Variants in DMD observed in about 807,000 individuals in gnomAD.
The protein encoded by DMD is mutant dystrophin.
A neutral mutation model predicts 330.1 loss-of-function variants in DMD; 63 were observed. The observed-to-expected ratio is 0.19, with a 90% CI of 0.16 to 0.24. DMD has a LOEUF of 0.24. Ranked by LOEUF, DMD falls within the 10% of genes least tolerant of loss-of-function variation. The pLI, the probability that DMD is intolerant of heterozygous loss-of-function variation, is 1.00. For synonymous variants in DMD, 1,223 were observed against 959.8 expected (o/e 1.27, Z -5.07); for missense variants, 3,344 against 2,684.1 (o/e 1.25, Z -5.43).
At chrX:33,317,161 A>G (rs1276154866) in intron 1 of DMD, among the ~76,000 whole-genome samples, 1 of 110,844 alleles carries the variant, frequency 9.0e-6, no homozygotes, top group Non-Finnish European at 1.9e-5. Flanking sequence ...ACACAATTAA[A>G]AAGAAACAAT....
chrX:31,201,158 TAC>T (rs57235865), intron 67 of DMD, among the ~76,000 whole-genome samples: 1,298 of 98,242 alleles, frequency 0.013, 6 homozygotes, highest in East Asian at 0.026. Flanking sequence ...AGAGACCCTG[TAC>T]ACACACACAC....
chrX:33,176,392 C>T (rs2049648628), intron 1 of DMD, among the ~76,000 whole-genome samples: 1 of 99,913 alleles, frequency 1.0e-5, no homozygotes, highest in East Asian at 3.1e-4. Flanking sequence ...TAAATAGAAA[C>T]TCAGCTGAAA....
intron 62 of DMD, among the ~76,000 whole-genome samples, chrX:31,268,762 G>C (rs2051385131): frequency 8.9e-6 from 1 of 112,198 alleles, no homozygotes; most frequent in Non-Finnish European, 1.9e-5. Flanking sequence ...TCAGAGCATG[G>C]ACATTTGTAA....
intron 1 of DMD, among the ~76,000 whole-genome samples, chrX:33,024,272 T>G (rs1202961395): frequency 8.9e-6 from 1 of 112,456 alleles, no homozygotes; most frequent in African/African-American, 3.2e-5. Flanking sequence ...TTTAGTCATT[T>G]CAAGCAGCAC....
chrX:32,073,365 T>A (rs934485610), intron 44 of DMD, among the ~76,000 whole-genome samples: 2 of 111,728 alleles, frequency 1.8e-5, no homozygotes, highest in African/African-American at 3.3e-5. Context: ...CTTGAGAAAT[T>A]CTCCAGGATT....
intron 1 of DMD, among the ~76,000 whole-genome samples, chrX:33,294,640 GA>G (rs1191892786): frequency 1.3e-4 from 13 of 102,408 alleles, no homozygotes; most frequent in South Asian, 4.2e-4. Flanking sequence ...GTTTACTACC[GA>G]AAAAAAAAAC....
chrX:32,522,373 G>C (rs758850704), intron 17 of DMD, among the ~76,000 whole-genome samples: 56 of 111,041 alleles, frequency 5.0e-4, no homozygotes, highest in African/African-American at 1.8e-3. Context: ...TTTAATTGAC[G>C]CATAATAGAT....
intron 1 of DMD, among the ~76,000 whole-genome samples, chrX:33,230,496 T>C (rs1183141682): frequency 5.4e-5 from 6 of 111,568 alleles, no homozygotes; most frequent in African/African-American, 9.7e-5. Flanking sequence ...TGTAGAGTCA[T>C]TGGTGAGAAA....
rs142840049 is a variant in DMD, at chrX:33,137,675, T to C, written c.31+73607A>G. On this transcript the variant is annotated intron_variant, in intron 1 of 78. Transcript: ENST00000357033. ...ATGTCTTTCTAACAGTGCCTGTATATGGTAAGTGCTCAATAATTGCTTGAT... is the reference window on the plus strand; with the variant it reads ...ATGTCTTTCTAACAGTGCCTGTATACGGTAAGTGCTCAATAATTGCTTGAT... Among the ~76,000 whole-genome samples, 303 of 111,636 alleles carry C rather than the reference T, an allele frequency of 2.7e-3. 1 individual carries two copies. The highest frequency in any genetic ancestry group is 9.4e-3 in the African/African-American group (288 of 30,757).
intron 43 of DMD, among the ~76,000 whole-genome samples, chrX:32,247,820 GT>G (rs1199242977): frequency 9.0e-6 from 1 of 111,251 alleles, no homozygotes; most frequent in Non-Finnish European, 1.9e-5. Context: ...GGGTTTATAT[GT>G]TATTCAGTTT....
chrX:31,180,136 A>G (rs898404010), intron 69 of DMD, among the ~76,000 whole-genome samples: 2 of 111,177 alleles, frequency 1.8e-5, no homozygotes, highest in East Asian at 5.7e-4. Flanking sequence ...TGAAAACCCT[A>G]TTTATTCATC....
intron 55 of DMD, among the ~76,000 whole-genome samples, chrX:31,600,473 T>C (rs1487449575): frequency 2.8e-5 from 3 of 108,434 alleles, no homozygotes; most frequent in African/African-American, 1.0e-4. Context: ...TCTTATATCA[T>C]GCAAGAAAAT....
intron 1 of DMD, among the ~76,000 whole-genome samples, chrX:33,044,533 C>T (rs896697205): frequency 2.7e-5 from 3 of 111,992 alleles, no homozygotes; most frequent in African/African-American, 9.7e-5. Flanking sequence ...GATTTAACTT[C>T]GGAAATAATT....
chrX:32,802,889 C>G (rs1046620271), intron 7 of DMD, among the ~76,000 whole-genome samples: 1 of 111,501 alleles, frequency 9.0e-6, no homozygotes, highest in African/African-American at 3.3e-5. Context: ...TTTTATTGAG[C>G]CTTTCACATT....
Position 32,386,433 on chromosome X carries a change from A to G in DMD, c.4551T>C (p.Ser1517=). The change falls in exon 33 of 79, where the codon TCT becomes TCC. Residue 1517 remains serine, a synonymous_variant. Coordinates refer to ENST00000357033, the MANE Select transcript of DMD (RefSeq NM_004006.3). ...CAGTCTTTATCACCATTTCCACTTC[A>G]GACTTCACTTCACTCAGACTTTTAT... ...NLYKSLSEVK[S]EVEMVIKTGR... 1 of 1,208,027 alleles carries G rather than the reference A, an allele frequency of 8.3e-7. No homozygotes were observed.
At chrX:32,339,685 T>C (rs1429657728) in intron 41 of DMD, among the ~76,000 whole-genome samples, 2 of 111,985 alleles carry the variant, frequency 1.8e-5, no homozygotes, top group African/African-American at 3.2e-5. Flanking sequence ...TGAGTCTTTA[T>C]CTGTGAGATA....
chrX:31,507,886 T>A (rs1345409219), intron 55 of DMD, among the ~76,000 whole-genome samples: 1 of 111,703 alleles, frequency 9.0e-6, no homozygotes, highest in African/African-American at 3.3e-5. Context: ...ATCTGTAGAG[T>A]TAACTCTGAC....
intron 7 of DMD, among the ~76,000 whole-genome samples, chrX:32,714,135 A>G (rs956409797): frequency 5.4e-5 from 6 of 111,760 alleles, no homozygotes; most frequent in Admixed American, 3.8e-4. Context: ...TAGTCAAACC[A>G]TCTTAAGTCA....
intron 4 of DMD, among the ~76,000 whole-genome samples, chrX:32,844,129 G>A (rs538432183): frequency 9.0e-6 from 1 of 111,727 alleles, no homozygotes; most frequent in East Asian, 2.8e-4. Context: ...AGTTCACCGG[G>A]CACGGTGGCT....
Sources: gnomAD v4.1 joint callset for allele counts (sites outside exome capture counted in the v4.1 genomes callset) on GRCh38, gnomAD v4.1.1 for gene constraint, MANE v1.5 for transcripts, NCBI Gene and HGNC (gene_info 2026-07-23, HGNC 2026-07-21) for gene names.